The following PCCB variants were observed in gnomAD, a reference collection of about 807,000 sequenced individuals.
PCCB encodes the protein propionyl-CoA carboxylase beta chain, mitochondrial.
Under a neutral mutation model 60.7 loss-of-function variants are expected in PCCB, and 43 were observed. The observed-to-expected ratio is 0.71, with a 90% confidence interval of 0.55 to 0.91. PCCB has a LOEUF of 0.91. PCCB is among the 40% of genes least tolerant of loss of function. The pLI, the probability that PCCB is intolerant of heterozygous loss-of-function variation, is 0.00. For synonymous variants in PCCB, 276 were observed against 255.9 expected (o/e 1.08, Z -0.75); for missense variants, 766 against 702.8 (o/e 1.09, Z -1.02).
At chr3:136,251,795 A>T (rs1941524872) in intron 1 of PCCB, among the ~76,000 whole-genome samples, 1 of 152,148 alleles carries the variant, frequency 6.6e-6, no homozygotes, top group Admixed American at 6.5e-5. Context: ...TACTAGGTTT[A>T]GATGAAGCCT....
intron 9 of PCCB, among the ~76,000 whole-genome samples, chr3:136,307,305 T>G (rs1324554694): frequency 1.5e-5 from 1 of 66,056 alleles, no homozygotes; most frequent in Non-Finnish European, 4.3e-5. Flanking sequence ...CTAATATACT[T>G]AATTATAATT....
chr3:136,323,828 C>T (rs2108234151), intron 10 of PCCB, among the ~76,000 whole-genome samples: 1 of 149,726 alleles, frequency 6.7e-6, no homozygotes, highest in South Asian at 2.1e-4. Context: ...AAAAAACCCA[C>T]TAGTAGTGTT....
intron 6 of PCCB, among the ~76,000 whole-genome samples, chr3:136,292,441 A>G (rs893849971): frequency 8.5e-5 from 13 of 152,334 alleles, no homozygotes; most frequent in African/African-American, 2.9e-4. Context: ...TGTATTAGAA[A>G]TGGGCAAAGA....
At chr3:136,259,495 T>C (rs1941764200) in intron 3 of PCCB, among the ~76,000 whole-genome samples, 1 of 152,100 alleles carries the variant, frequency 6.6e-6, no homozygotes, top group Admixed American at 6.6e-5. Flanking sequence ...ACAGTAAATA[T>C]TTCTTAAAAA....
chr3:136,253,367 G>A (rs570788780), intron 1 of PCCB, among the ~76,000 whole-genome samples: 1 of 151,264 alleles, frequency 6.6e-6, no homozygotes, highest in African/African-American at 2.4e-5. Flanking sequence ...GGGATTACAG[G>A]CGTGAGCCAC....
At chr3:136,256,300 C>A (rs887577110) in intron 2 of PCCB, 2 of 576,028 alleles carry the variant, frequency 3.5e-6, no homozygotes, top group African/African-American at 3.7e-5. Context: ...GGCCCTGGGT[C>A]TTGATTGTTT....
chr3:136,327,069 A>G (rs749093429), intron 11 of PCCB, 86 bp from the exon 12 acceptor site: 6 of 1,326,016 alleles, frequency 4.5e-6, no homozygotes, highest in Non-Finnish European at 5.4e-6. Context: ...GGCCCTCTCC[A>G]GAGGTGGGAA....
At chr3:136,294,219 T>G (rs1268929507) in intron 7 of PCCB, among the ~76,000 whole-genome samples, 1 of 152,150 alleles carries the variant, frequency 6.6e-6, no homozygotes, top group Admixed American at 6.6e-5. Flanking sequence ...TATTCTAAGG[T>G]TGGTATATAT....
chr3:136,264,458 A>ATATATATATATATATATATG (rs1560000174), intron 5 of PCCB, among the ~76,000 whole-genome samples: 5 of 148,176 alleles, frequency 3.4e-5, no homozygotes, highest in African/African-American at 9.9e-5. Context: ...GTATATATAT[A>ATATATATATATATATATATG]TATGTTCCTC....
At chr3:136,251,262 A>G in intron 1 of PCCB, 1 of 456,714 alleles carries the variant, frequency 2.2e-6, no homozygotes, top group Non-Finnish European at 4.4e-6. Flanking sequence ...GCTGGCCTTC[A>G]GAGATAAGCT....
intron 1 of PCCB, chr3:136,255,633 C>A: frequency 1.8e-6 from 1 of 571,410 alleles, no homozygotes. Flanking sequence ...TATTCATCTT[C>A]CACAGTTGGG....
chr3:136,299,917 T>C lies in PCCB; in HGVS notation c.885-1113T>C, dbSNP rs137981917. ...ATGCGTACATATGTATGCATGTATA[T>C]GTATGCATATGTATATGTATACGCA... is the stretch of plus-strand genomic sequence containing the variant. On this transcript the variant is annotated intron_variant, in intron 8 of 14. Transcript: ENST00000251654. 2.1e-3 allele frequency among the ~76,000 whole-genome samples: 325 copies of C among 152,054 alleles called. 6 individuals are homozygous for C. The highest frequency in any genetic ancestry group is 0.014 in the Admixed American group (221 of 15,288).
intron 10 of PCCB, among the ~76,000 whole-genome samples, chr3:136,322,266 T>A (rs780987636): frequency 1.3e-5 from 2 of 152,278 alleles, no homozygotes; most frequent in Non-Finnish European, 2.9e-5. Flanking sequence ...TTACGTTAAT[T>A]GATTTTTGAC....
In PCCB at chr3:136,329,953, G is replaced by C. The variant is rs1234908096; in HGVS notation, c.1547G>C (p.Cys516Ser). ...CCTTCTTCCACACGTGCCCGAATCT[G>C]CTGTGACCTGGATGTCTTGGCCAGC... ...IQPSSTRARICCDLDVLASKK... is the reference protein window; with the variant it reads ...IQPSSTRARISCDLDVLASKK... Residue 516 changes from cysteine to serine, a missense_variant, in exon 15 of 15, where the codon TGC becomes TCC. By Grantham distance (112) the Cys-to-Ser change is moderately radical (BLOSUM62 -1). Transcript: ENST00000251654. The C allele has an allele frequency of 2.5e-6, 4 of 1,614,192 alleles. No homozygotes were observed. Among genetic ancestry groups the C allele is most frequent in the Non-Finnish European group, 3.4e-6 (4 of 1,180,018 alleles).
chr3:136,299,450 GTA>G (rs1934103035), intron 8 of PCCB, among the ~76,000 whole-genome samples: 1 of 151,464 alleles, frequency 6.6e-6, no homozygotes, highest in African/African-American at 2.4e-5. Context: ...ATATGCATAT[GTA>G]TGCATGTGTA....
At chr3:136,278,901 T>G (rs556582948) in intron 5 of PCCB, among the ~76,000 whole-genome samples, 95 of 152,330 alleles carry the variant, frequency 6.2e-4, no homozygotes, top group African/African-American at 2.2e-3. Context: ...AGTCTGCAAC[T>G]ATTATTGTGC....
At chr3:136,292,854 G>A (rs1576334134) in intron 6 of PCCB, among the ~76,000 whole-genome samples, 1 of 152,114 alleles carries the variant, frequency 6.6e-6, no homozygotes, top group African/African-American at 2.4e-5. Context: ...TAGGGGAGGC[G>A]AATTGGAGGC....
chr3:136,289,132 A>G (rs748422008), intron 6 of PCCB, among the ~76,000 whole-genome samples: 2 of 152,198 alleles, frequency 1.3e-5, no homozygotes, highest in Non-Finnish European at 2.9e-5. Flanking sequence ...TGCTGGGATT[A>G]TAGGCATGAG....
chr3:136,263,616 A>G (rs373272801), intron 5 of PCCB, among the ~76,000 whole-genome samples: 1 of 152,100 alleles, frequency 6.6e-6, no homozygotes, highest in African/African-American at 2.4e-5. Flanking sequence ...TCAGATCTTC[A>G]TTGCTTAATT....
Sources: allele counts gnomAD v4.1 joint callset (sites outside exome capture counted in the v4.1 genomes callset), GRCh38; gene constraint gnomAD v4.1.1; transcripts MANE v1.5; gene names NCBI Gene and HGNC (gene_info 2026-07-23, HGNC 2026-07-21).